CFAP47: variants seen among roughly 807,000 people sequenced by gnomAD.
CFAP47 encodes cilia and flagella associated protein 47.
Under a neutral mutation model 148.1 loss-of-function variants are expected in CFAP47, and 29 were observed. The ratio of observed to expected loss-of-function variants is 0.20; its 90% CI spans 0.15 to 0.27. The LOEUF (loss-of-function observed/expected upper bound fraction) is 0.27. CFAP47 is among the 10% of genes least tolerant of loss of function. CFAP47 has a pLI of 1.00. For missense variants in CFAP47, 1,872 were observed against 1,697.5 expected (o/e 1.10, Z -1.81); for synonymous variants, 664 against 577.3 (o/e 1.15, Z -2.15).
chrX:36,225,261 T>A (rs1384098994), intron 45 of CFAP47, among the ~76,000 whole-genome samples: 1 of 111,770 alleles, frequency 8.9e-6, no homozygotes, highest in Non-Finnish European at 1.9e-5. Context: ...TTTAAAAACT[T>A]ACAAATCAAA....
chrX:36,039,646 G>A (rs1294735562), intron 25 of CFAP47, among the ~76,000 whole-genome samples: 1 of 111,871 alleles, frequency 8.9e-6, no homozygotes, highest in Non-Finnish European at 1.9e-5. Flanking sequence ...TTGAGGCTCA[G>A]TCTTCCTCCA....
intron 33 of CFAP47, 25 bp downstream of exon 33, chrX:36,104,716 A>G: frequency 1.8e-6 from 1 of 560,425 alleles, no homozygotes. Flanking sequence ...TTTTCTTTAA[A>G]CAAATTATTG....
intron 49 of CFAP47, among the ~76,000 whole-genome samples, chrX:36,256,385 C>T: frequency 8.9e-6 from 1 of 111,864 alleles, no homozygotes; most frequent in African/African-American, 3.2e-5. Flanking sequence ...TGCATGTTCA[C>T]AACATAAAGC....
intron 8 of CFAP47, among the ~76,000 whole-genome samples, chrX:35,959,878 CAA>C (rs755201291): frequency 5.9e-4 from 18 of 30,391 alleles, no homozygotes; most frequent in African/African-American, 2.2e-3. Flanking sequence ...GACTCCGTCT[CAA>C]AAAAAAAAAA....
chrX:35,924,194 T>C (rs141460111), intron 1 of CFAP47, among the ~76,000 whole-genome samples: 1,087 of 105,998 alleles, frequency 0.01, 11 homozygotes, highest in Non-Finnish European at 0.017. Context: ...CATGTATGTG[T>C]ATATATGGAC....
At chrX:36,036,081 A>G (rs1017282699) in intron 24 of CFAP47, among the ~76,000 whole-genome samples, 1 of 111,554 alleles carries the variant, frequency 9.0e-6, no homozygotes, top group Non-Finnish European at 1.9e-5. Context: ...GTATGTATAC[A>G]TTGTGTAATG....
chrX:36,175,101 G>T (rs1372505345), intron 39 of CFAP47, among the ~76,000 whole-genome samples: 3 of 111,554 alleles, frequency 2.7e-5, no homozygotes, highest in Non-Finnish European at 3.8e-5. Flanking sequence ...ATCGGCTCCT[G>T]AGGCTTCTGC....
intron 15 of CFAP47, among the ~76,000 whole-genome samples, chrX:35,980,472 C>A (rs1936627107): frequency 9.0e-6 from 1 of 111,688 alleles, no homozygotes; most frequent in African/African-American, 3.3e-5. Flanking sequence ...CAGGAAAAAG[C>A]TGTTCCGTAA....
At chrX:36,156,463 C>G (rs1050324823) in intron 37 of CFAP47, among the ~76,000 whole-genome samples, 4 of 111,069 alleles carry the variant, frequency 3.6e-5, no homozygotes, top group African/African-American at 9.8e-5. Context: ...CATAGAGTGA[C>G]TGTCATAAAA....
rs148335370 is a variant in CFAP47 at position 35,924,347 on chromosome X, G to A, written c.250-1670G>A. On this transcript the variant is annotated intron_variant, in intron 1 of 63. Coordinates refer to ENST00000378653, the MANE Select transcript of CFAP47 (RefSeq NM_001304548.2). ...TGTGTATATGTGTACATATATGTGT[G>A]CATATGTGTATATATGTATATGTGC... is the stretch of plus-strand genomic sequence containing the variant. Among the ~76,000 whole-genome samples, 2 of 100,731 alleles carry A rather than the reference G, an allele frequency of 2.0e-5. 1 individual carries two copies. The highest frequency in any genetic ancestry group is 8.7e-5 in the African/African-American group (2 of 23,095). 87.5% of individuals were successfully genotyped at this position (100,731 alleles called of 115,157 possible).
chrX:36,303,832 C>CTTTTTTTT lies in CFAP47; in HGVS notation c.7971-15_7971-8dup. 1.0e-6 allele frequency: 1 copy of CTTTTTTTT among 954,560 alleles called. No individual in the cohort carries two copies. The highest frequency in any genetic ancestry group is 3.7e-5 in the Admixed American group (1 of 26,730). The allele number at this position is 954,560 out of a possible 1,213,427, so 78.7% of individuals were successfully genotyped here. A position where few individuals can be genotyped will look rare whatever the true frequency, so the allele number is the denominator to read the frequency against. On this transcript the variant is annotated splice_polypyrimidine_tract_variant and intron_variant, in intron 53 of 63. Transcript: ENST00000378653. ...TTATGAATACCAGCAACTTTACTAG[C>CTTTTTTTT]TTTTTTTTTCTCCTAGGCATGTCAC... is the stretch of plus-strand genomic sequence containing the variant.
At chrX:36,325,906 G>T (rs782164170) in intron 57 of CFAP47, among the ~76,000 whole-genome samples, 23 of 111,322 alleles carry the variant, frequency 2.1e-4, no homozygotes, top group African/African-American at 2.9e-4. Context: ...TTACCTAGAA[G>T]CTTTGTTGTT....
At position 35,996,175 on chromosome X, in the gene CFAP47, G is replaced by A. The variant is rs1368119770; in HGVS notation, c.3100-1137G>A. On this transcript the variant is annotated intron_variant, in intron 18 of 63. Transcript: ENST00000378653. ...GATGAATAAGGAATGATTGGGAGGT[G>A]AGTAAAAGGCAGCCATAGGGAGTTG... Among the ~76,000 whole-genome samples, 4 of 111,095 alleles carry A rather than the reference G, an allele frequency of 3.6e-5. No individual in the cohort carries two copies. The East Asian group carries it at 1.1e-3, about 32-fold the overall frequency.
intron 9 of CFAP47, 23 bp downstream of exon 9, chrX:35,966,777 C>T: frequency 6.9e-6 from 7 of 1,007,278 alleles, no homozygotes; most frequent in Non-Finnish European, 9.1e-6. Context: ...GTAGTGCCCA[C>T]CTGGCTTTGT....
intron 57 of CFAP47, among the ~76,000 whole-genome samples, chrX:36,342,362 G>A (rs890836360): frequency 8.9e-6 from 1 of 111,839 alleles, no homozygotes; most frequent in Non-Finnish European, 1.9e-5. Flanking sequence ...TTAAAATACC[G>A]TTTGTTCCCC....
chrX:35,953,829 A>G (rs970567449), intron 7 of CFAP47, 110 bp downstream of exon 7: 50 of 548,062 alleles, frequency 9.1e-5, no homozygotes, highest in Non-Finnish European at 1.3e-4. Context: ...ATTATTGAAT[A>G]GAAAAAAAAG....
chrX:35,949,441 C>G (rs1295537252), intron 4 of CFAP47, among the ~76,000 whole-genome samples: 1 of 111,092 alleles, frequency 9.0e-6, no homozygotes, highest in Non-Finnish European at 1.9e-5. Context: ...TGATAAAGGT[C>G]TGAGATAAGG....
intron 44 of CFAP47, among the ~76,000 whole-genome samples, chrX:36,202,442 C>T (rs1555988182): frequency 9.0e-6 from 1 of 111,557 alleles, no homozygotes; most frequent in Admixed American, 9.5e-5. Context: ...AGTCCATTCT[C>T]TAAGGCCACT....
At chrX:36,276,311 G>A (rs1263305752) in intron 49 of CFAP47, among the ~76,000 whole-genome samples, 1 of 111,137 alleles carries the variant, frequency 9.0e-6, no homozygotes, top group African/African-American at 3.3e-5. Context: ...AAAAATACCC[G>A]TTTTCTCTCT....
Sources: allele counts gnomAD v4.1 joint callset (sites outside exome capture counted in the v4.1 genomes callset), GRCh38; gene constraint gnomAD v4.1.1; transcripts MANE v1.5; gene names NCBI Gene and HGNC (gene_info 2026-07-23, HGNC 2026-07-21).